Variants in TTC7B observed in about 807,000 individuals in gnomAD.
TTC7B encodes the protein tetratricopeptide repeat protein 7B.
In TTC7B, 28 loss-of-function variants were observed where a neutral mutation model predicts 106.8. The observed-to-expected ratio is 0.26, with a 90% CI of 0.19 to 0.36. The LOEUF is 0.36. Among genes scored for constraint, TTC7B ranks in the 10% least tolerant of loss-of-function variants. TTC7B has a pLI of 1.00. For synonymous variants in TTC7B, 405 were observed against 430.6 expected, an observed-to-expected ratio of 0.94 and a Z score of 0.74; for missense variants, 862 against 1,076.4, an observed-to-expected ratio of 0.80 and a Z score of 2.79.
intron 9 of TTC7B, among the ~76,000 whole-genome samples, chr14:90,659,336 C>T (rs1464993184): frequency 4.0e-5 from 6 of 151,376 alleles, no homozygotes; most frequent in African/African-American, 1.5e-4. Flanking sequence ...AGGAAGCTGT[C>T]ATGAATGAGT....
intron 19 of TTC7B, among the ~76,000 whole-genome samples, chr14:90,571,856 T>A: frequency 6.6e-6 from 1 of 152,224 alleles, no homozygotes; most frequent in African/African-American, 2.4e-5. Context: ...GTCCTGCCTG[T>A]CTGGATCCTG....
rs571930951 is a variant in TTC7B at position 90,550,374 on chromosome 14, C to T, written c.2311-8785G>A. 9.9e-5 allele frequency among the ~76,000 whole-genome samples: 15 copies of T among 152,266 alleles called. 1 individual carries two copies. Among genetic ancestry groups the T allele is most frequent in the African/African-American group, 2.9e-4 (12 of 41,542 alleles). On this transcript the variant is annotated intron_variant, in intron 19 of 19. Coordinates refer to ENST00000328459, the MANE Select transcript of TTC7B (RefSeq NM_001010854.2). ...GTGAACATGGGATGCATGTAATTTG[C>T]GTATTTGCTTATCACACACATGCAC...
chr14:90,602,251 C>A lies in TTC7B; in HGVS notation c.1966+8491G>T. ...AGTTTGGGAACACTGGGTCAAAGTG[C>A]GGGACTTCTCAGAACATTTAATGTG... On this transcript the variant is annotated intron_variant, in intron 17 of 19. Transcript: ENST00000328459. 3 of 455,900 alleles carry A rather than the reference C, an allele frequency of 6.6e-6. No homozygotes were observed. In the Admixed American group the frequency reaches 7.0e-5, roughly 11 times the overall value. 28.2% of individuals were successfully genotyped at this position (455,900 alleles called of 1,614,324 possible).
intron 11 of TTC7B, among the ~76,000 whole-genome samples, chr14:90,655,814 A>G (rs1885924391): frequency 6.6e-6 from 1 of 152,202 alleles, no homozygotes; most frequent in Admixed American, 6.5e-5. Flanking sequence ...GGAAATTTTA[A>G]TAATAAAAAT....
Position 90,525,973 on chromosome 14 carries a change from AT to A in TTC7B, c.*15394del, listed in dbSNP as rs1889139490. On this transcript the variant is annotated 3_prime_UTR_variant, in exon 20 of 20. Coordinates refer to ENST00000328459, the MANE Select transcript of TTC7B (RefSeq NM_001010854.2). ...GCGATTGGTTAAAAAATAAAAAAAAATAAAAAAAATAAAAAAAAAAAAGAAG... is the reference window on the plus strand; with the variant it reads ...GCGATTGGTTAAAAAATAAAAAAAAAAAAAAAAATAAAAAAAAAAAAGAAG... The A allele has an allele frequency of 1.3e-5, 2 of 149,764 alleles. No homozygotes were observed. Among genetic ancestry groups the A allele is most frequent in the African/African-American group, 2.5e-5 (1 of 39,864 alleles). The allele number at this position is 149,764 out of a possible 1,614,324, so 9.3% of individuals were successfully genotyped here.
chr14:90,526,049 A>G lies in TTC7B; in HGVS notation c.*15319T>C, dbSNP rs966991026. The stretch of plus-strand genomic sequence containing the variant: ...ATATTTCCTTTTCTCTGGGGTACAT[A>G]CTAAGAGAGGAATTCCTGGATAATT... On this transcript the variant is annotated 3_prime_UTR_variant, in exon 20 of 20. Transcript: ENST00000328459. 6.6e-6 allele frequency: 1 copy of G among 152,168 alleles called. No individual in the cohort carries two copies. Among genetic ancestry groups the G allele is most frequent in the African/African-American group, 2.4e-5 (1 of 41,448 alleles). 9.4% of individuals were successfully genotyped at this position (152,168 alleles called of 1,614,324 possible).
At chr14:90,794,838 C>T (rs1891719954) in intron 1 of TTC7B, among the ~76,000 whole-genome samples, 1 of 152,128 alleles carries the variant, frequency 6.6e-6, no homozygotes, top group African/African-American at 2.4e-5. Context: ...ATATTAAAAA[C>T]ATCAAGAGTC....
At chr14:90,671,759 C>T (rs1206264250) in intron 9 of TTC7B, among the ~76,000 whole-genome samples, 2 of 152,180 alleles carry the variant, frequency 1.3e-5, no homozygotes, top group African/African-American at 2.4e-5. Flanking sequence ...GTCTGTGTCT[C>T]CTTTGTACAA....
At chr14:90,763,058 G>A (rs551173519) in intron 3 of TTC7B, among the ~76,000 whole-genome samples, 8 of 152,220 alleles carry the variant, frequency 5.3e-5, no homozygotes, top group South Asian at 4.1e-4. Context: ...TGACACCAGC[G>A]TAACATTGAC....
At chr14:90,724,487 A>G (rs771376895) in intron 5 of TTC7B, among the ~76,000 whole-genome samples, 1 of 152,174 alleles carries the variant, frequency 6.6e-6, no homozygotes, top group Non-Finnish European at 1.5e-5. Context: ...TGAATGGTTT[A>G]GCACCATCAC....
intron 18 of TTC7B, among the ~76,000 whole-genome samples, chr14:90,591,798 AG>A (rs1274895178): frequency 2.0e-5 from 3 of 152,328 alleles, no homozygotes; most frequent in African/African-American, 7.2e-5. Flanking sequence ...GTAACTGACT[AG>A]GACAGCCATC....
intron 3 of TTC7B, chr14:90,772,644 A>G (rs1890902114): frequency 6.6e-6 from 1 of 152,178 alleles, no homozygotes; most frequent in Non-Finnish European, 1.5e-5. Flanking sequence ...ATCATTTCTG[A>G]ATTTTATATA....
At position 90,657,166 on chromosome 14, in the gene TTC7B, C is replaced by T. The variant is rs748508776; in HGVS notation, c.1341+8G>A. The T allele has an allele frequency of 6.2e-7, 1 of 1,612,150 alleles. No individual in the cohort carries two copies. Among genetic ancestry groups the T allele is most frequent in the Non-Finnish European group, 8.5e-7 (1 of 1,178,518 alleles). On this transcript the variant is annotated splice_region_variant and intron_variant, in intron 11 of 19. Coordinates refer to ENST00000328459, the MANE Select transcript of TTC7B (RefSeq NM_001010854.2). The surrounding 1 kb of genome is among the most constrained non-coding windows in gnomAD (Gnocchi z 4.2). ...TGCAGGAGCGGGGAGGGGGGCGCCC[C>T]TACTCACCCAGTGCAGGGAGCCCAT...
At chr14:90,610,275 G>A (rs1892817722) in intron 17 of TTC7B, among the ~76,000 whole-genome samples, 1 of 152,204 alleles carries the variant, frequency 6.6e-6, no homozygotes, top group Admixed American at 6.5e-5. Flanking sequence ...TTTGCTCATA[G>A]GCAGGAAGTG....
intron 4 of TTC7B, among the ~76,000 whole-genome samples, chr14:90,733,498 C>A (rs1434381701): frequency 6.6e-6 from 1 of 152,224 alleles, no homozygotes; most frequent in Non-Finnish European, 1.5e-5. Context: ...TAGCTCAGGG[C>A]TTACCCTGAA....
chr14:90,587,378 G>T (rs898171240), intron 18 of TTC7B, among the ~76,000 whole-genome samples: 1 of 152,220 alleles, frequency 6.6e-6, no homozygotes, highest in African/African-American at 2.4e-5. Context: ...CCTTCTCCTG[G>T]CTCCCCTTGG....
intron 5 of TTC7B, among the ~76,000 whole-genome samples, chr14:90,700,462 C>T (rs919091159): frequency 5.9e-5 from 9 of 152,000 alleles, no homozygotes; most frequent in Non-Finnish European, 5.9e-5. Context: ...GTACCCACCA[C>T]TCCTTGTCTC....
chr14:90,541,385 T>C lies in TTC7B; in HGVS notation c.2515A>G (p.Ile839Val). 6.2e-7 allele frequency: 1 copy of C among 1,609,876 alleles called. No homozygotes were observed. Among genetic ancestry groups the C allele is most frequent in the Non-Finnish European group, 8.5e-7 (1 of 1,178,168 alleles). ...GCGCCTGCTCAGAGCACGCGGGGGA[T>C]GATGGTGAAGGGCACGGCGGGGCTG... ...ASSPAVPFTI[I>V]PRVL Residue 839 changes from isoleucine (I) to valine (V), a missense_variant, in exon 20 of 20, where the codon ATC (isoleucine) becomes GTC (valine). Ile to Val is a conservative substitution (Grantham distance 29). Transcript: ENST00000328459.
chr14:90,683,874 G>T (rs1887151714), intron 7 of TTC7B, among the ~76,000 whole-genome samples: 1 of 152,184 alleles, frequency 6.6e-6, no homozygotes. Flanking sequence ...CGGCCATCAA[G>T]AAGTCATCCT....
Sources: gnomAD v4.1 joint callset for allele counts (sites outside exome capture counted in the v4.1 genomes callset) on GRCh38, gnomAD v4.1.1 for gene constraint, Gnocchi (gnomAD v3.1) non-coding constraint, MANE v1.5 for transcripts, NCBI Gene and HGNC (gene_info 2026-07-23, HGNC 2026-07-21) for gene names.